Variants in ADAM12 observed in about 807,000 individuals in gnomAD.
ADAM12 encodes disintegrin and metalloproteinase domain-containing protein 12.
A neutral mutation model predicts 106.4 loss-of-function variants in ADAM12; 70 were observed. The observed-to-expected ratio is 0.66, with a 90% CI of 0.54 to 0.80. The LOEUF (loss-of-function observed/expected upper bound fraction) is 0.80, where lower values mean the gene tolerates loss of function less well. Ranked by LOEUF, ADAM12 falls within the 30% of genes least tolerant of loss-of-function variation. The pLI is 0.00. For synonymous variants in ADAM12, 420 were observed against 433.5 expected (o/e 0.97, Z 0.39); for missense variants, 1,010 against 1,171.9 (o/e 0.86, Z 2.02).
intron 5 of ADAM12, among the ~76,000 whole-genome samples, chr10:126,124,418 G>A (rs1956165407): frequency 6.6e-6 from 1 of 151,812 alleles, no homozygotes; most frequent in Admixed American, 6.6e-5. Flanking sequence ...ATTTCCATGT[G>A]AACTACTCAG....
Position 126,066,796 on chromosome 10 carries a change from T to C in ADAM12, c.1334A>G (p.Asn445Ser). Reference sequence around the variant, plus strand: ...ACAGGTGGTGGCATTGCAGCAGCGATTCATACATTCCTGGAAAGGGGAATG... The same window carrying C: ...ACAGGTGGTGGCATTGCAGCAGCGACTCATACATTCCTGGAAAGGGGAATG... Reference protein sequence around the residue: ...CDCGEPEECMNRCCNATTCTL... With the variant: ...CDCGEPEECMSRCCNATTCTL... Residue 445 changes from asparagine to serine, a missense_variant, in exon 13 of 23, where the codon AAT (asparagine) becomes AGT (serine). Transcript: ENST00000448723. The surrounding 1 kb of genome is among the most constrained non-coding windows in gnomAD (Gnocchi z 5.1). 1 of 1,614,062 alleles carries C rather than the reference T, an allele frequency of 6.2e-7. No homozygotes were observed. The highest frequency in any genetic ancestry group is 8.5e-7 in the Non-Finnish European group (1 of 1,179,914).
intron 1 of ADAM12, among the ~76,000 whole-genome samples, chr10:126,364,404 A>T (rs1342337399): frequency 2.0e-5 from 3 of 152,190 alleles, no homozygotes; most frequent in African/African-American, 7.2e-5. Flanking sequence ...ATGATTAGTT[A>T]CCTAGGAAAC....
chr10:126,104,508 C>G (rs1259148310), intron 8 of ADAM12, among the ~76,000 whole-genome samples: 2 of 151,754 alleles, frequency 1.3e-5, no homozygotes, highest in African/African-American at 2.4e-5. Flanking sequence ...GACGATGAGT[C>G]CTTTCAGAAG....
Position 126,143,733 on chromosome 10 carries a change from T to C in ADAM12, c.340-8073A>G, listed in dbSNP as rs150164164. 2.9e-3 allele frequency among the ~76,000 whole-genome samples: 438 copies of C among 152,030 alleles called. 4 individuals are homozygous for C. The highest frequency in any genetic ancestry group is 9.7e-3 in the African/African-American group (400 of 41,420). ...GTGTGTGTGGGTATGCATGTGTATA[T>C]GCATTGTGTGTATATGGGTGTGTAT... On this transcript the variant is annotated intron_variant, in intron 4 of 22. Transcript: ENST00000448723.
chr10:126,151,972 G>A (rs1956734958), intron 4 of ADAM12, among the ~76,000 whole-genome samples: 1 of 147,274 alleles, frequency 6.8e-6, no homozygotes, highest in Non-Finnish European at 1.5e-5. Flanking sequence ...TATTTTCAAA[G>A]CACCAGCTTT....
chr10:126,314,560 C>G (rs1225671541), intron 2 of ADAM12, among the ~76,000 whole-genome samples: 1 of 152,168 alleles, frequency 6.6e-6, no homozygotes, highest in African/African-American at 2.4e-5. Context: ...AGAGATACGA[C>G]ATGGACATTT....
chr10:126,170,351 C>T (rs1957097108), intron 3 of ADAM12, among the ~76,000 whole-genome samples: 1 of 151,842 alleles, frequency 6.6e-6, no homozygotes, highest in Non-Finnish European at 1.5e-5. Context: ...TAAATTGGCC[C>T]ACGGAGCAGT....
rs1238393952 is a variant in ADAM12, at chr10:126,076,331, GGT to G, written c.1146-4679_1146-4678del. Among the ~76,000 whole-genome samples the G allele has an allele frequency of 2.0e-5, 3 of 152,312 alleles. No homozygotes were observed. The East Asian group carries it at 5.8e-4, about 29-fold the overall frequency. ...CCAATCCACTGTTGAAGGGCACCTA[GGT>G]TGATTCCATGTCTTCGCTATTGTGA... On this transcript the variant is annotated intron_variant, in intron 11 of 22. Coordinates refer to ENST00000448723, the MANE Select transcript of ADAM12 (RefSeq NM_001288973.2).
chr10:126,326,555 T>A (rs1378978101), intron 2 of ADAM12, among the ~76,000 whole-genome samples: 6 of 151,986 alleles, frequency 3.9e-5, no homozygotes, highest in Non-Finnish European at 7.4e-5. Flanking sequence ...GTGGTCAGAG[T>A]GTGGACGCCT....
At chr10:126,281,448 A>G (rs776489511) in intron 2 of ADAM12, among the ~76,000 whole-genome samples, 1 of 152,228 alleles carries the variant, frequency 6.6e-6, no homozygotes, top group Non-Finnish European at 1.5e-5. Flanking sequence ...TTAAGCATTA[A>G]CATTTGTAGT....
At chr10:126,093,919 T>C (rs1299300915) in intron 11 of ADAM12, 66 bp downstream of exon 11, 1 of 1,589,088 alleles carries the variant, frequency 6.3e-7, no homozygotes, top group African/African-American at 1.3e-5. Flanking sequence ...CTTTGACTCA[T>C]CTGGTTCCCA....
chr10:126,155,401 C>CT (rs1177177994), intron 3 of ADAM12, 96 bp from the exon 4 acceptor site: 8 of 1,122,722 alleles, frequency 7.1e-6, no homozygotes, highest in Non-Finnish European at 1.3e-6. Context: ...AGATTGTGAC[C>CT]TCCTTTTTTT....
At chr10:126,381,040 A>T (rs1856472668) in intron 1 of ADAM12, among the ~76,000 whole-genome samples, 1 of 152,238 alleles carries the variant, frequency 6.6e-6, no homozygotes, top group South Asian at 2.1e-4. Context: ...ATGTAGCTAC[A>T]TTCCTTAAGA....
At chr10:126,341,171 G>C (rs905365968) in intron 1 of ADAM12, among the ~76,000 whole-genome samples, 1 of 151,908 alleles carries the variant, frequency 6.6e-6, no homozygotes, top group African/African-American at 2.4e-5. Context: ...GTTGCTTCCC[G>C]GCCCGTCATC....
At chr10:126,104,477 A>G (rs1005950632) in intron 8 of ADAM12, among the ~76,000 whole-genome samples, 1 of 151,868 alleles carries the variant, frequency 6.6e-6, no homozygotes, top group South Asian at 2.1e-4. Context: ...AAAGAAAGAA[A>G]GAAAAGAAAT....
chr10:126,333,249 C>T (rs1327791627), intron 1 of ADAM12, among the ~76,000 whole-genome samples: 1 of 152,208 alleles, frequency 6.6e-6, no homozygotes, highest in Non-Finnish European at 1.5e-5. Context: ...ACAAATCAAT[C>T]CTATTGCCAA....
chr10:126,042,040 A>G (rs1341716212), intron 18 of ADAM12: 8 of 1,514,294 alleles, frequency 5.3e-6, no homozygotes, highest in African/African-American at 1.4e-5. Context: ...TGGCAAAGCC[A>G]CAGAGTCAAT....
chr10:126,208,066 T>C (rs1957830317), intron 3 of ADAM12, among the ~76,000 whole-genome samples: 1 of 152,228 alleles, frequency 6.6e-6, no homozygotes, highest in African/African-American at 2.4e-5. Flanking sequence ...AAACTCTGTT[T>C]CTTGATGTGG....
intron 5 of ADAM12, among the ~76,000 whole-genome samples, chr10:126,120,555 T>C (rs1304219744): frequency 1.3e-5 from 2 of 152,140 alleles, no homozygotes; most frequent in Non-Finnish European, 2.9e-5. Context: ...CATTAGTTAA[T>C]GAAAACTCAG....
Sources: gnomAD v4.1 joint callset for allele counts (sites outside exome capture counted in the v4.1 genomes callset) on GRCh38, gnomAD v4.1.1 for gene constraint, Gnocchi (gnomAD v3.1) non-coding constraint, MANE v1.5 for transcripts, NCBI Gene and HGNC (gene_info 2026-07-23, HGNC 2026-07-21) for gene names.